ADAMTS2: variants seen among roughly 807,000 people sequenced by gnomAD.
The protein encoded by ADAMTS2 is ADAM metallopeptidase with thrombospondin type 1 motif 2, also known as A disintegrin and metalloproteinase with thrombospondin motifs 2.
ADAMTS2 carries 50 observed loss-of-function variants against 123.0 expected under a neutral mutation model. That is an observed-to-expected ratio of 0.41 (90% CI 0.32 to 0.51). ADAMTS2 has a LOEUF of 0.51. Among genes scored for constraint, ADAMTS2 ranks in the 20% least tolerant of loss-of-function variants. ADAMTS2 has a pLI of 0.35. For missense variants in ADAMTS2, 1,494 were observed against 1,705.2 expected, an observed-to-expected ratio of 0.88 and a Z score of 2.18; for synonymous variants, 678 against 695.4, an observed-to-expected ratio of 0.98 and a Z score of 0.39.
chr5:179,187,493 T>A (rs1396112781), intron 4 of ADAMTS2, among the ~76,000 whole-genome samples: 3 of 152,186 alleles, frequency 2.0e-5, no homozygotes, highest in East Asian at 1.9e-4. Context: ...ATGGAGTGAA[T>A]CACTTTGAAG....
chr5:179,214,700 G>A (rs459668), intron 3 of ADAMTS2, among the ~76,000 whole-genome samples: 37,209 of 152,052 alleles, frequency 0.24, 4,615 homozygotes, highest in Admixed American at 0.27. Flanking sequence ...ATAGTCTAAG[G>A]TCTCCAAAAA....
chr5:179,240,880 G>A lies in ADAMTS2; in HGVS notation c.688+32031C>T, dbSNP rs543708391. On this transcript the variant is annotated intron_variant, in intron 3 of 21. Coordinates refer to ENST00000251582, the MANE Select transcript of ADAMTS2 (RefSeq NM_014244.5). ...CCACCTCTCCCAGAGGTTTTGTCCG[G>A]TAAAGGGAAGAGGAACAGGGTTCAA... 7.2e-5 allele frequency among the ~76,000 whole-genome samples: 11 copies of A among 152,328 alleles called. No homozygotes were observed. In the East Asian group the frequency reaches 2.1e-3, roughly 29 times the overall value.
intron 18 of ADAMTS2, 146 bp downstream of exon 18, chr5:179,125,852 T>C: frequency 8.0e-7 from 1 of 1,256,382 alleles, no homozygotes; most frequent in Non-Finnish European, 1.1e-6. Flanking sequence ...CCCTGCAGCA[T>C]CTTAGATTCC....
chr5:179,281,429 G>A (rs1338911212), intron 2 of ADAMTS2, among the ~76,000 whole-genome samples: 4 of 152,180 alleles, frequency 2.6e-5, no homozygotes, highest in South Asian at 2.1e-4. Flanking sequence ...TTTCATATAC[G>A]TGGAATCACA....
intron 2 of ADAMTS2, among the ~76,000 whole-genome samples, chr5:179,315,238 C>CTGGCTTCTGGAAAGCACTGAGGCCACAGT (rs773847889): frequency 0.13 from 6,031 of 46,958 alleles, 2,093 homozygotes; most frequent in African/African-American, 0.25. Context: ...ATTAAATACC[C>CTGGCTTCTGGAAAGCACTGAGGCCACAGT]TGGCTTCTGG....
chr5:179,283,545 A>G (rs1440041066), intron 2 of ADAMTS2, among the ~76,000 whole-genome samples: 1 of 117,338 alleles, frequency 8.5e-6, no homozygotes, highest in African/African-American at 2.9e-5. Context: ...GACTAGAAAA[A>G]CAGCAAAAAA....
In ADAMTS2 at chr5:179,283,945, G is replaced by GATTATT. The variant is rs756134923; in HGVS notation, c.535-10887_535-10882dup. ...AAAACAAAACAATAAATGGTCAGAT[G>GATTATT]ATTATTATTATTATTATTATTATTA... is the stretch of plus-strand genomic sequence containing the variant. On this transcript the variant is annotated intron_variant, in intron 2 of 21. Coordinates refer to ENST00000251582, the MANE Select transcript of ADAMTS2 (RefSeq NM_014244.5). Among the ~76,000 whole-genome samples, 785 of 120,484 alleles carry GATTATT rather than the reference G, an allele frequency of 6.5e-3. 4 individuals are homozygous for GATTATT. Among genetic ancestry groups the GATTATT allele is most frequent in the Middle Eastern group, 8.7e-3 (2 of 230 alleles). The allele number at this position is 120,484 out of a possible 152,430, so 79.0% of individuals were successfully genotyped here. A position where few individuals can be genotyped will look rare whatever the true frequency, so the allele number is the denominator to read the frequency against.
intron 2 of ADAMTS2, among the ~76,000 whole-genome samples, chr5:179,334,281 G>A (rs1424357050): frequency 3.9e-5 from 6 of 152,186 alleles, no homozygotes; most frequent in African/African-American, 9.7e-5. Context: ...CCCATGGTGC[G>A]TAAATGGGGA....
rs900277801 is a variant in ADAMTS2, at chr5:179,185,671, A to G, written c.892-4516T>C. On this transcript the variant is annotated intron_variant, in intron 4 of 21. Coordinates refer to ENST00000251582, the MANE Select transcript of ADAMTS2 (RefSeq NM_014244.5). This position sits in a 1 kb window ranked among gnomAD's most constrained non-coding sequence, Gnocchi z 5.9. ...ATGGAACTCCCTGGGATAGACCGTC[A>G]GCCTCACATTCTGCTTGGAGGTGGG... Among the ~76,000 whole-genome samples, 4 of 151,962 alleles carry G rather than the reference A, an allele frequency of 2.6e-5. No individual in the cohort carries two copies. Among genetic ancestry groups the G allele is most frequent in the Non-Finnish European group, 5.9e-5 (4 of 67,990 alleles).
chr5:179,137,874 G>C lies in ADAMTS2; in HGVS notation c.1846C>G (p.Pro616Ala). The C allele has an allele frequency of 6.4e-7, 1 of 1,559,698 alleles. No individual in the cohort carries two copies. The highest frequency in any genetic ancestry group is 8.7e-7 in the Non-Finnish European group (1 of 1,153,144). ...DFQLCSRQDC[P>A]DSLADFREEQ... ...TCGCGGAAGTCAGCCAGGGAGTCGG[G>C]GCAGTCCTGGCGGCTGCAGAGCTGG... is the stretch of plus-strand genomic sequence containing the variant. The change falls in exon 12 of 22, where the codon CCC becomes GCC. Residue 616 changes from proline to alanine, a missense_variant. Physicochemically the swap from Pro to Ala is conservative, Grantham distance 27. Transcript: ENST00000251582.
chr5:179,314,728 T>C lies in ADAMTS2; in HGVS notation c.534+29039A>G, dbSNP rs1327347271. ...CTCTTCCACCAAGCCCTTGTAGCCT[T>C]CCTGCACCCAGGTGGGGCTCCTGTC... On this transcript the variant is annotated intron_variant, in intron 2 of 21. Coordinates refer to ENST00000251582, the MANE Select transcript of ADAMTS2 (RefSeq NM_014244.5). This position sits in a 1 kb window ranked among gnomAD's most constrained non-coding sequence, Gnocchi z 4.5. 1.3e-5 allele frequency among the ~76,000 whole-genome samples: 2 copies of C among 152,116 alleles called. No homozygotes were observed. Among genetic ancestry groups the C allele is most frequent in the Non-Finnish European group, 2.9e-5 (2 of 68,014 alleles).
intron 4 of ADAMTS2, among the ~76,000 whole-genome samples, chr5:179,205,786 T>TATTATTA (rs141328524): frequency 2.0e-5 from 3 of 150,360 alleles, no homozygotes; most frequent in African/African-American, 4.9e-5. Flanking sequence ...TTATTATTAT[T>TATTATTA]TTTGAGACGG....
intron 2 of ADAMTS2, among the ~76,000 whole-genome samples, chr5:179,319,825 C>T (rs576051645): frequency 2.0e-4 from 30 of 152,264 alleles, no homozygotes; most frequent in Middle Eastern, 3.4e-3. Flanking sequence ...GCAGTCATTA[C>T]GCCTGGCTCC....
chr5:179,255,011 GGATGGAT>G (rs11279994), intron 3 of ADAMTS2, among the ~76,000 whole-genome samples: 1,528 of 151,984 alleles, frequency 0.01, 33 homozygotes, highest in African/African-American at 0.035. Flanking sequence ...ATGGATGGAT[GGATGGAT>G]GATGGATGAA....
chr5:179,247,955 G>C (rs1188076482), intron 3 of ADAMTS2, among the ~76,000 whole-genome samples: 1 of 152,070 alleles, frequency 6.6e-6, no homozygotes, highest in Non-Finnish European at 1.5e-5. Context: ...TACTAATAAA[G>C]GGAACCCCAA....
intron 3 of ADAMTS2, among the ~76,000 whole-genome samples, chr5:179,252,356 T>C (rs972688879): frequency 1.3e-5 from 2 of 152,136 alleles, no homozygotes; most frequent in African/African-American, 4.8e-5. Flanking sequence ...TTTCCTTCTA[T>C]TTTCTTTGGA....
intron 17 of ADAMTS2, among the ~76,000 whole-genome samples, chr5:179,127,577 G>A (rs1466166619): frequency 2.4e-4 from 37 of 152,066 alleles, no homozygotes; most frequent in Admixed American, 1.6e-3. Context: ...AGTGAACGGA[G>A]AGAGAAGCCT....
At position 179,129,233 on chromosome 5, in the gene ADAMTS2, G is replaced by C. The variant is rs568734440; in HGVS notation, c.2457+699C>G. On this transcript the variant is annotated intron_variant, in intron 16 of 21. Coordinates refer to ENST00000251582, the MANE Select transcript of ADAMTS2 (RefSeq NM_014244.5). The surrounding 1 kb of genome is among the most constrained non-coding windows in gnomAD (Gnocchi z 4.1). ...GGCGAGGCAGGCAGGGTGCCAGGGG[G>C]TACACGGGGCATACCTGGCTCACTG... is the stretch of plus-strand genomic sequence containing the variant. Among the ~76,000 whole-genome samples the C allele has an allele frequency of 2.0e-4, 30 of 152,316 alleles. No individual in the cohort carries two copies. Among genetic ancestry groups the C allele is most frequent in the African/African-American group, 7.2e-4 (30 of 41,582 alleles).
At position 179,207,290 on chromosome 5, in the gene ADAMTS2, T is replaced by G. The variant is rs79731813; in HGVS notation, c.891+223A>C. Among the ~76,000 whole-genome samples the G allele has an allele frequency of 1.9e-3, 284 of 152,306 alleles. 2 individuals carry two copies. The highest frequency in any genetic ancestry group is 6.6e-3 in the African/African-American group (275 of 41,554). ...TAGCCTGTGAAGAGCCTCACCAAGT[T>G]ACCATCACCCACGATGTGCAGACGA... On this transcript the variant is annotated intron_variant, in intron 4 of 21. Transcript: ENST00000251582.
Sources: gnomAD v4.1 joint callset for allele counts (sites outside exome capture counted in the v4.1 genomes callset) on GRCh38, gnomAD v4.1.1 for gene constraint, Gnocchi (gnomAD v3.1) non-coding constraint, MANE v1.5 for transcripts, NCBI Gene and HGNC (gene_info 2026-07-23, HGNC 2026-07-21) for gene names.